The following LEPROTL1 variants were observed in gnomAD, a reference collection of about 807,000 sequenced individuals.
LEPROTL1 encodes the protein leptin receptor overlapping transcript-like 1.
In LEPROTL1, 6 loss-of-function variants were observed where a neutral mutation model predicts 15.4. The ratio of observed to expected loss-of-function variants is 0.39; its 90% CI spans 0.21 to 0.77. The LOEUF (loss-of-function observed/expected upper bound fraction) is 0.77. LEPROTL1 is among the 30% of genes least tolerant of loss of function. The pLI, the probability that LEPROTL1 is intolerant of heterozygous loss-of-function variation, is 0.41. For synonymous variants in LEPROTL1, 56 were observed against 52.6 expected (o/e 1.06, Z -0.28); for missense variants, 128 against 158.1 (o/e 0.81, Z 1.02).
chr8:30,122,081 C>A (rs796926841), intron 3 of LEPROTL1, among the ~76,000 whole-genome samples: 1 of 151,664 alleles, frequency 6.6e-6, no homozygotes, highest in Non-Finnish European at 1.5e-5. Flanking sequence ...GCAGGAGAAT[C>A]GCTTGAACCC....
chr8:30,105,395 T>C (rs568140386), intron 3 of LEPROTL1, among the ~76,000 whole-genome samples: 1 of 152,250 alleles, frequency 6.6e-6, no homozygotes, highest in East Asian at 1.9e-4. Context: ...TTGTAGAATT[T>C]TATGCTGCTT....
chr8:30,129,744 CACACACACACACAA>C (rs1423449092), intron 3 of LEPROTL1, among the ~76,000 whole-genome samples: 2 of 150,638 alleles, frequency 1.3e-5, no homozygotes, highest in East Asian at 2.0e-4. Flanking sequence ...CACACACACA[CACACACACACACAA>C]AGAACTACCT....
chr8:30,112,045 C>T (rs1802659252), downstream of LEPROTL1, among the ~76,000 whole-genome samples: 1 of 152,146 alleles, frequency 6.6e-6, no homozygotes, highest in Non-Finnish European at 1.5e-5. Flanking sequence ...AGTTTTTGCT[C>T]ATCCATATCA....
downstream of LEPROTL1, among the ~76,000 whole-genome samples, chr8:30,113,448 A>G (rs931723784): frequency 6.6e-6 from 1 of 152,186 alleles, no homozygotes; most frequent in Non-Finnish European, 1.5e-5. Context: ...GAATACTACC[A>G]TAAAAGTTGG....
chr8:30,108,048 T>G lies in LEPROTL1; in HGVS notation c.*2186T>G. The G allele has an allele frequency of 1.1e-6, 1 of 881,524 alleles. No individual in the cohort carries two copies. Among genetic ancestry groups the G allele is most frequent in the Non-Finnish European group, 1.4e-6 (1 of 735,492 alleles). 54.6% of individuals were successfully genotyped at this position (881,524 alleles called of 1,614,324 possible). A position where few individuals can be genotyped will look rare whatever the true frequency, so the allele number is the denominator to read the frequency against. On this transcript the variant is annotated 3_prime_UTR_variant, in exon 4 of 4. Transcript: ENST00000321250. ...AAGAAAACTTTTGATGATGAAACAA[T>G]AAAGATTTTAAATATCTATTTTAGT... is the stretch of plus-strand genomic sequence containing the variant.
At chr8:30,121,406 C>G (rs1802828468) in intron 3 of LEPROTL1, among the ~76,000 whole-genome samples, 1 of 152,036 alleles carries the variant, frequency 6.6e-6, no homozygotes, top group South Asian at 2.1e-4. Context: ...GCACCCGCCA[C>G]CACGCCAGGC....
chr8:30,124,410 G>T (rs983139442), intron 3 of LEPROTL1, among the ~76,000 whole-genome samples: 1 of 152,084 alleles, frequency 6.6e-6, no homozygotes, highest in Non-Finnish European at 1.5e-5. Context: ...ACACATGGCT[G>T]TTCTGTTTCG....
At chr8:30,114,596 G>A (rs1208861923) in intron 3 of LEPROTL1, among the ~76,000 whole-genome samples, 1 of 152,112 alleles carries the variant, frequency 6.6e-6, no homozygotes, top group Non-Finnish European at 1.5e-5. Context: ...CAGCTTACAT[G>A]ACATTTTGGT....
intron 3 of LEPROTL1, among the ~76,000 whole-genome samples, chr8:30,126,106 T>C (rs1478461630): frequency 6.6e-6 from 1 of 152,204 alleles, no homozygotes; most frequent in Non-Finnish European, 1.5e-5. Flanking sequence ...TGATTGCAAT[T>C]GGTCATTGCA....
At position 30,106,822 on chromosome 8, in the gene LEPROTL1, C is replaced by T; in HGVS notation, c.*960C>T. The T allele has an allele frequency of 1.0e-6, 1 of 984,768 alleles. No homozygotes were observed. The highest frequency in any genetic ancestry group is 4.7e-5 in the South Asian group (1 of 21,268). The allele number at this position is 984,768 out of a possible 1,614,324, so 61.0% of individuals were successfully genotyped here. On this transcript the variant is annotated 3_prime_UTR_variant, in exon 4 of 4. Coordinates refer to ENST00000321250, the MANE Select transcript of LEPROTL1 (RefSeq NM_015344.3). The stretch of plus-strand genomic sequence containing the variant: ...ATATATGCCAGAAAACCTTCCTCTG[C>T]TTCCTCCTTTTGACTTATTTGGTAT...
chr8:30,113,513 G>T (rs1208805401), downstream of LEPROTL1, among the ~76,000 whole-genome samples: 2 of 152,302 alleles, frequency 1.3e-5, no homozygotes, highest in East Asian at 3.9e-4. Context: ...AGGAGCAGGA[G>T]GGGGCTTACT....
intron 2 of LEPROTL1, 54 bp downstream of exon 2, chr8:30,102,027 T>A (rs1802474564): frequency 1.7e-6 from 2 of 1,153,108 alleles, no homozygotes; most frequent in Non-Finnish European, 2.5e-6. Context: ...TTTCTACTTT[T>A]AAAGCTTAAA....
chr8:30,134,749 T>C (rs1188880921), intron 4 of LEPROTL1, among the ~76,000 whole-genome samples: 1 of 152,198 alleles, frequency 6.6e-6, no homozygotes, highest in African/African-American at 2.4e-5. Context: ...GGTTTCGCCA[T>C]GTCTGCCAGG....
At chr8:30,096,508 T>C in intron 1 of LEPROTL1, 1 of 392,366 alleles carries the variant, frequency 2.5e-6, no homozygotes, top group Non-Finnish European at 3.5e-6. Context: ...ACAGTCTTAC[T>C]GTTTCTTGTT....
chr8:30,108,794 A>T (rs1372321706), downstream of LEPROTL1, among the ~76,000 whole-genome samples: 1 of 152,088 alleles, frequency 6.6e-6, no homozygotes, highest in Non-Finnish European at 1.5e-5. Flanking sequence ...CACCTGGCTA[A>T]TTTTTGTATT....
chr8:30,127,567 G>C (rs1300450472), intron 3 of LEPROTL1, among the ~76,000 whole-genome samples: 1 of 151,790 alleles, frequency 6.6e-6, no homozygotes, highest in Non-Finnish European at 1.5e-5. Flanking sequence ...TACTTGGGAG[G>C]CAGACGTGGG....
chr8:30,106,070 A>T lies in LEPROTL1; in HGVS notation c.*208A>T. The stretch of plus-strand genomic sequence containing the variant: ...GGATTTTCTCTTTTGGAAAAGCTTG[A>T]CTGATTTCACACTTATCTATAGTAT... On this transcript the variant is annotated 3_prime_UTR_variant, in exon 4 of 4. Coordinates refer to ENST00000321250, the MANE Select transcript of LEPROTL1 (RefSeq NM_015344.3). 1.8e-6 allele frequency: 2 copies of T among 1,099,734 alleles called. No individual in the cohort carries two copies. Among genetic ancestry groups the T allele is most frequent in the Non-Finnish European group, 2.2e-6 (2 of 900,654 alleles). The allele number at this position is 1,099,734 out of a possible 1,614,324, so 68.1% of individuals were successfully genotyped here.
exon 5 of LEPROTL1, chr8:30,137,353 C>T: frequency 6.4e-7 from 1 of 1,551,656 alleles, no homozygotes; most frequent in South Asian, 1.2e-5. Flanking sequence ...GCTGCCTCTC[C>T]CAGCAGCCGC....
intron 3 of LEPROTL1, among the ~76,000 whole-genome samples, chr8:30,115,539 A>ATTTTTTT (rs71206228): frequency 1.5e-4 from 11 of 74,378 alleles, no homozygotes; most frequent in African/African-American, 4.5e-4. Context: ...TGCCTGGCTA[A>ATTTTTTT]TTTTTTTTTT....
Sources: gnomAD v4.1 joint callset for allele counts (sites outside exome capture counted in the v4.1 genomes callset) on GRCh38, gnomAD v4.1.1 for gene constraint, MANE v1.5 for transcripts, NCBI Gene and HGNC (gene_info 2026-07-23, HGNC 2026-07-21) for gene names.